Variants in TEAD1 observed in about 807,000 individuals in gnomAD.
The protein encoded by TEAD1 is TEA domain transcription factor 1.
A neutral mutation model predicts 54.9 loss-of-function variants in TEAD1; 9 were observed. The ratio of observed to expected loss-of-function variants is 0.16; its 90% CI spans 0.10 to 0.29. The LOEUF is 0.29. TEAD1 is among the 10% of genes least tolerant of loss of function. The pLI is 1.00. For synonymous variants in TEAD1, 200 were observed against 187.8 expected (o/e 1.07, Z -0.53); for missense variants, 387 against 535.9 (o/e 0.72, Z 2.74).
chr11:12,773,589 T>C (rs1214108388), intron 3 of TEAD1, among the ~76,000 whole-genome samples: 2 of 152,238 alleles, frequency 1.3e-5, no homozygotes, highest in Non-Finnish European at 2.9e-5. Flanking sequence ...TGTTCATGTC[T>C]TTTGTTCGTT....
chr11:12,873,755 A>G (rs1004683318), intron 5 of TEAD1, among the ~76,000 whole-genome samples: 1 of 152,204 alleles, frequency 6.6e-6, no homozygotes, highest in Non-Finnish European at 1.5e-5. Flanking sequence ...AAACCATAAT[A>G]TAGTTCTGTG....
rs1945192636 is a variant in TEAD1 at position 12,765,668 on chromosome 11, G to A, written c.202+1234G>A. 2.6e-5 allele frequency among the ~76,000 whole-genome samples: 4 copies of A among 152,226 alleles called. No homozygotes were observed. In the South Asian group the frequency reaches 8.3e-4, roughly 32 times the overall value. The stretch of plus-strand genomic sequence containing the variant: ...CCTCTCCAACTTGGATGATGTAATG[G>A]AAACAAGGAAAATTTTGCTTTCTGC... On this transcript the variant is annotated intron_variant, in intron 3 of 12. Coordinates refer to ENST00000527636, the MANE Select transcript of TEAD1 (RefSeq NM_021961.6).
Position 12,911,425 on chromosome 11 carries a change from G to A in TEAD1, c.873+9312G>A, listed in dbSNP as rs149514162. Reference sequence around the variant, plus strand: ...CCTGTTGCTATTCATGGAAGAGGGAGTTAACAATACGAAATCGTTTGCTTT... The same window carrying A: ...CCTGTTGCTATTCATGGAAGAGGGAATTAACAATACGAAATCGTTTGCTTT... On this transcript the variant is annotated intron_variant, in intron 10 of 12. Transcript: ENST00000527636. Among the ~76,000 whole-genome samples the A allele has an allele frequency of 3.9e-3, 598 of 152,298 alleles. 4 individuals carry two copies. Among genetic ancestry groups the A allele is most frequent in the African/African-American group, 0.014 (573 of 41,572 alleles).
At chr11:12,864,938 G>A in intron 5 of TEAD1, 38 bp downstream of exon 5, 1 of 1,608,632 alleles carries the variant, frequency 6.2e-7, no homozygotes. Flanking sequence ...TGGTTGCTAT[G>A]CATCTCACTT....
intron 2 of TEAD1, among the ~76,000 whole-genome samples, chr11:12,700,409 C>A (rs1430937765): frequency 6.6e-6 from 1 of 152,198 alleles, no homozygotes; most frequent in South Asian, 2.1e-4. Context: ...ATAGACTCTT[C>A]ATTCATTTTT....
At chr11:12,801,040 C>G (rs527523024) in intron 3 of TEAD1, among the ~76,000 whole-genome samples, 1 of 152,310 alleles carries the variant, frequency 6.6e-6, no homozygotes, top group East Asian at 1.9e-4. Flanking sequence ...GAGATTGAAA[C>G]GAGAAGAGTG....
At chr11:12,722,451 C>T (rs770584210) in intron 2 of TEAD1, among the ~76,000 whole-genome samples, 1 of 152,178 alleles carries the variant, frequency 6.6e-6, no homozygotes, top group African/African-American at 2.4e-5. Context: ...TCCCTTTCCT[C>T]ATCAGCCTGC....
rs1376797117 is a variant in TEAD1, at chr11:12,943,450, A to G, written c.*6228A>G. 2 of 152,650 alleles carry G rather than the reference A, an allele frequency of 1.3e-5. No individual in the cohort carries two copies. The highest frequency in any genetic ancestry group is 2.9e-5 in the Non-Finnish European group (2 of 68,042). 9.5% of individuals were successfully genotyped at this position (152,650 alleles called of 1,614,324 possible). On this transcript the variant is annotated 3_prime_UTR_variant, in exon 13 of 13. Transcript: ENST00000527636. Reference sequence around the variant, plus strand: ...GCATTGCAAAGGGTAGTTTCACTGAAGTCATGCACCATTAAATAAGATGAA... The same window carrying G: ...GCATTGCAAAGGGTAGTTTCACTGAGGTCATGCACCATTAAATAAGATGAA...
Position 12,703,322 on chromosome 11 carries a change from G to C in TEAD1, c.-55+27761G>C, listed in dbSNP as rs543821583. Among the ~76,000 whole-genome samples, 5 of 152,256 alleles carry C rather than the reference G, an allele frequency of 3.3e-5. No homozygotes were observed. In the East Asian group the frequency reaches 9.7e-4, roughly 29 times the overall value. On this transcript the variant is annotated intron_variant, in intron 2 of 12. Transcript: ENST00000527636. ...GCCACTGACAATACATGTAACATAG[G>C]ATGAGTCAATCCACCTCCCCTAGCT... is the stretch of plus-strand genomic sequence containing the variant.
chr11:12,863,233 C>T (rs1947544608), intron 4 of TEAD1, among the ~76,000 whole-genome samples: 1 of 152,126 alleles, frequency 6.6e-6, no homozygotes, highest in South Asian at 2.1e-4. Context: ...GTGTTTATAA[C>T]GGGGAGAGGC....
intron 2 of TEAD1, among the ~76,000 whole-genome samples, chr11:12,715,870 G>A (rs987988859): frequency 1.3e-5 from 2 of 152,018 alleles, no homozygotes; most frequent in East Asian, 1.9e-4. Context: ...TTTATTTCCC[G>A]AATCTAGCAA....
intron 3 of TEAD1, among the ~76,000 whole-genome samples, chr11:12,776,553 T>G (rs541305445): frequency 2.0e-5 from 3 of 152,088 alleles, no homozygotes; most frequent in Non-Finnish European, 4.4e-5. Context: ...ACTGGGTACT[T>G]TACAGTGTGC....
At chr11:12,857,578 C>CTCTCTGTGTGTGTGTG (rs1343843895) in intron 3 of TEAD1, among the ~76,000 whole-genome samples, 1 of 145,750 alleles carries the variant, frequency 6.9e-6, no homozygotes, top group African/African-American at 2.6e-5. Context: ...CTCTCTGTCT[C>CTCTCTGTGTGTGTGTG]TGTGTGTGTG....
At chr11:12,932,896 A>G (rs755525769) in intron 12 of TEAD1, among the ~76,000 whole-genome samples, 2 of 152,146 alleles carry the variant, frequency 1.3e-5, no homozygotes, top group Non-Finnish European at 2.9e-5. Flanking sequence ...CTTTTATACC[A>G]TATTTTTACT....
chr11:12,699,088 A>G (rs1564910848), intron 2 of TEAD1, among the ~76,000 whole-genome samples: 1 of 152,204 alleles, frequency 6.6e-6, no homozygotes, highest in African/African-American at 2.4e-5. Context: ...ATACGTCTCC[A>G]ATTTGTTTGG....
chr11:12,687,583 T>G (rs1943360629), intron 2 of TEAD1, among the ~76,000 whole-genome samples: 1 of 152,196 alleles, frequency 6.6e-6, no homozygotes, highest in Non-Finnish European at 1.5e-5. Context: ...TTGTGGCATT[T>G]GAAGGGAGTT....
intron 2 of TEAD1, among the ~76,000 whole-genome samples, chr11:12,710,463 C>A (rs1384229346): frequency 6.6e-6 from 1 of 152,074 alleles, no homozygotes; most frequent in South Asian, 2.1e-4. Context: ...ACAGTGAAGT[C>A]AGGAGTATAG....
At chr11:12,699,956 G>C (rs1308003010) in intron 2 of TEAD1, among the ~76,000 whole-genome samples, 1 of 152,180 alleles carries the variant, frequency 6.6e-6, no homozygotes, top group Non-Finnish European at 1.5e-5. Flanking sequence ...GACAGTTGGT[G>C]TGAATTCATT....
chr11:12,826,167 G>T (rs572912599), intron 3 of TEAD1, among the ~76,000 whole-genome samples: 3 of 152,302 alleles, frequency 2.0e-5, no homozygotes, highest in South Asian at 4.1e-4. Flanking sequence ...TTTCGAGAAG[G>T]TTTGCTAGCT....
Sources: gnomAD v4.1 joint callset for allele counts (sites outside exome capture counted in the v4.1 genomes callset) on GRCh38, gnomAD v4.1.1 for gene constraint, MANE v1.5 for transcripts, NCBI Gene and HGNC (gene_info 2026-07-23, HGNC 2026-07-21) for gene names.